Variants in DCDC2C observed in about 807,000 individuals in gnomAD.
DCDC2C encodes doublecortin domain-containing protein 2C.
DCDC2C carries 44 observed loss-of-function variants against 45.0 expected under a neutral mutation model. The ratio of observed to expected loss-of-function variants is 0.98; its 90% CI spans 0.77 to 1.26. The LOEUF (loss-of-function observed/expected upper bound fraction) is 1.26. Ranked by LOEUF, DCDC2C falls within the 50% of genes most tolerant of loss-of-function variation. The pLI, the probability that DCDC2C is intolerant of heterozygous loss-of-function variation, is 0.00. For missense variants in DCDC2C, 447 were observed against 468.9 expected (o/e 0.95, Z 0.43); for synonymous variants, 187 against 178.8 (o/e 1.05, Z -0.37).
chr2:3,708,672 G>A (rs1298678740), intron 2 of DCDC2C, 72 bp downstream of exon 2: 9 of 1,205,252 alleles, frequency 7.5e-6, no homozygotes, highest in Middle Eastern at 1.9e-4. Context: ...ATGTCGGCAC[G>A]GAATAATTGA....
chr2:3,729,477 G>A (rs1161386106), intron 3 of DCDC2C, among the ~76,000 whole-genome samples: 1 of 152,230 alleles, frequency 6.6e-6, no homozygotes, highest in Non-Finnish European at 1.5e-5. Context: ...AAGTGATTTG[G>A]GCGTTTTAAA....
intron 7 of DCDC2C, 117 bp downstream of exon 7, chr2:3,767,997 T>C: frequency 8.9e-7 from 1 of 1,128,308 alleles, no homozygotes; most frequent in Non-Finnish European, 1.2e-6. Flanking sequence ...GACTTGTAAC[T>C]ATCTGCTTTA....
intron 10 of DCDC2C, among the ~76,000 whole-genome samples, chr2:3,837,521 C>T (rs1361733635): frequency 1.3e-5 from 2 of 151,972 alleles, no homozygotes. Flanking sequence ...AGGCTAGGTT[C>T]TTTCTGGGGG....
At chr2:3,750,115 C>G (rs1376662411) in intron 4 of DCDC2C, among the ~76,000 whole-genome samples, 2 of 151,978 alleles carry the variant, frequency 1.3e-5, no homozygotes, top group African/African-American at 4.8e-5. Flanking sequence ...ACTGCACACA[C>G]CTTCTCCCTC....
At chr2:3,724,804 C>T (rs769140896) in intron 2 of DCDC2C, among the ~76,000 whole-genome samples, 4 of 152,120 alleles carry the variant, frequency 2.6e-5, no homozygotes, top group Non-Finnish European at 5.9e-5. Flanking sequence ...GTTGGCCTGA[C>T]ATTGGTGTGG....
At chr2:3,778,660 A>C (rs766656203) in intron 8 of DCDC2C, among the ~76,000 whole-genome samples, 156 bp from the exon 9 acceptor site, 1 of 152,216 alleles carries the variant, frequency 6.6e-6, no homozygotes, top group Non-Finnish European at 1.5e-5. Context: ...AAAAATGCAG[A>C]GTGGATGCCA....
chr2:3,778,273 A>G (rs1670406749), intron 8 of DCDC2C, among the ~76,000 whole-genome samples: 1 of 152,242 alleles, frequency 6.6e-6, no homozygotes, highest in Admixed American at 6.5e-5. Flanking sequence ...TGACTGCTAC[A>G]GAAATATAAA....
At chr2:3,834,377 A>G (rs1246871716) in intron 10 of DCDC2C, among the ~76,000 whole-genome samples, 8 of 152,196 alleles carry the variant, frequency 5.3e-5, no homozygotes, top group African/African-American at 2.4e-5. Flanking sequence ...ACCTGTTGTA[A>G]TCACTGTACA....
chr2:3,776,580 C>T (rs950278309), intron 8 of DCDC2C, among the ~76,000 whole-genome samples: 9 of 152,164 alleles, frequency 5.9e-5, no homozygotes, highest in African/African-American at 1.4e-4. Flanking sequence ...TCTGGCCGCT[C>T]GTTGTCCTTC....
intron 10 of DCDC2C, among the ~76,000 whole-genome samples, chr2:3,839,717 CT>C (rs1414693469): frequency 6.6e-6 from 1 of 152,248 alleles, no homozygotes; most frequent in African/African-American, 2.4e-5. Context: ...CTGACGGCTT[CT>C]CGAATTCCTC....
intron 6 of DCDC2C, among the ~76,000 whole-genome samples, chr2:3,766,482 G>T (rs1212444263): frequency 2.0e-5 from 3 of 152,100 alleles, no homozygotes; most frequent in African/African-American, 7.2e-5. Flanking sequence ...TCCATGACCA[G>T]TTCTGCTAAG....
chr2:3,718,299 G>A (rs1434993708), intron 2 of DCDC2C, among the ~76,000 whole-genome samples: 4 of 152,198 alleles, frequency 2.6e-5, no homozygotes, highest in Non-Finnish European at 4.4e-5. Context: ...TTGCTTCTGA[G>A]TGGGGCTGAC....
At chr2:3,746,882 T>C (rs1669379642) in intron 4 of DCDC2C, among the ~76,000 whole-genome samples, 1 of 151,876 alleles carries the variant, frequency 6.6e-6, no homozygotes, top group South Asian at 2.1e-4. Context: ...CTGTCCTGGG[T>C]TCTAAAGAAA....
chr2:3,842,504 G>A (rs553398200), intron 10 of DCDC2C, among the ~76,000 whole-genome samples: 4 of 152,120 alleles, frequency 2.6e-5, no homozygotes, highest in African/African-American at 7.2e-5. Context: ...TTGGGGGAGT[G>A]CAACTAGTTT....
intron 10 of DCDC2C, among the ~76,000 whole-genome samples, chr2:3,817,752 TAGGG>T (rs761816792): frequency 2.6e-5 from 4 of 152,114 alleles, no homozygotes; most frequent in Non-Finnish European, 5.9e-5. Context: ...TGGGATGAGT[TAGGG>T]AGAGCTAGTG....
At chr2:3,765,029 G>A (rs557430151) in intron 6 of DCDC2C, among the ~76,000 whole-genome samples, 2 of 152,278 alleles carry the variant, frequency 1.3e-5, no homozygotes, top group Admixed American at 6.5e-5. Flanking sequence ...TAGATATCAC[G>A]TCTTCAGTAT....
intron 1 of DCDC2C, among the ~76,000 whole-genome samples, chr2:3,706,536 G>T (rs994178448): frequency 1.4e-5 from 2 of 141,440 alleles, no homozygotes; most frequent in Non-Finnish European, 3.1e-5. Context: ...TTGTGTATGT[G>T]TGCACGCATG....
chr2:3,827,486 C>G (rs1572645412), intron 10 of DCDC2C, among the ~76,000 whole-genome samples: 2 of 152,072 alleles, frequency 1.3e-5, no homozygotes, highest in Admixed American at 6.6e-5. Flanking sequence ...GTGGAGTAAC[C>G]CTGGCTTACT....
chr2:3,837,232 G>C (rs1347837218), intron 10 of DCDC2C, among the ~76,000 whole-genome samples: 1 of 152,190 alleles, frequency 6.6e-6, no homozygotes, highest in Non-Finnish European at 1.5e-5. Context: ...AATCTGCTAA[G>C]GAGTGGCATT....
Sources: gnomAD v4.1 joint callset for allele counts (sites outside exome capture counted in the v4.1 genomes callset) on GRCh38, gnomAD v4.1.1 for gene constraint, MANE v1.5 for transcripts, NCBI Gene and HGNC (gene_info 2026-07-23, HGNC 2026-07-21) for gene names.